The following SGCZ variants were observed in gnomAD, a reference collection of about 807,000 sequenced individuals.
SGCZ encodes the protein zeta-sarcoglycan.
SGCZ carries 40 observed loss-of-function variants against 41.3 expected under a neutral mutation model. The ratio of observed to expected loss-of-function variants is 0.97; its 90% CI spans 0.75 to 1.26. The LOEUF is 1.26. Ranked by LOEUF, SGCZ falls within the 50% of genes most tolerant of loss-of-function variation. SGCZ has a pLI of 0.00. For missense variants in SGCZ, 552 were observed against 369.8 expected, an observed-to-expected ratio of 1.49 and a Z score of -4.04; for synonymous variants, 206 against 137.5, an observed-to-expected ratio of 1.50 and a Z score of -3.49.
At chr8:15,110,067 AT>A (rs1250507333) in intron 1 of SGCZ, among the ~76,000 whole-genome samples, 2 of 152,202 alleles carry the variant, frequency 1.3e-5, no homozygotes, top group Non-Finnish European at 2.9e-5. Flanking sequence ...ACATTTTATC[AT>A]TTTTAAAAAT....
chr8:14,127,885 C>T lies in SGCZ; in HGVS notation c.548-19650G>A, dbSNP rs144270345. The stretch of plus-strand genomic sequence containing the variant: ...TCACCCAGGTATTAAGCCCAGTACC[C>T]GATAATTATCTTTTCTGCTCTGCTC... On this transcript the variant is annotated intron_variant, in intron 5 of 7. Transcript: ENST00000382080. Among the ~76,000 whole-genome samples the T allele has an allele frequency of 6.0e-3, 913 of 152,182 alleles. 8 individuals carry two copies. Among genetic ancestry groups the T allele is most frequent in the African/African-American group, 0.019 (798 of 41,506 alleles).
intron 3 of SGCZ, among the ~76,000 whole-genome samples, chr8:14,298,519 G>A (rs139986875): frequency 0.018 from 2,731 of 151,902 alleles, 34 homozygotes; most frequent in Non-Finnish European, 0.026. Flanking sequence ...GTATGCCAAA[G>A]TCAATTGTAT....
rs573639733 is a variant in SGCZ, at chr8:15,017,371, GC to G, written c.39+220213del. Among the ~76,000 whole-genome samples the G allele has an allele frequency of 3.3e-5, 5 of 152,262 alleles. No individual in the cohort carries two copies. In the South Asian group the frequency reaches 1.0e-3, roughly 32 times the overall value. ...CCATTCACTGCACACGTACAGTGAG[GC>G]CTGATCCACAGTGGACCTTGGTTGA... On this transcript the variant is annotated intron_variant, in intron 1 of 7. Transcript: ENST00000382080.
intron 4 of SGCZ, among the ~76,000 whole-genome samples, chr8:14,227,925 T>C (rs1196886330): frequency 2.6e-5 from 4 of 151,940 alleles, no homozygotes; most frequent in South Asian, 2.1e-4. Flanking sequence ...TAAGTAATGG[T>C]TTCCCCCTAG....
chr8:14,307,949 G>T (rs1801399343), intron 3 of SGCZ, among the ~76,000 whole-genome samples: 2 of 152,204 alleles, frequency 1.3e-5, no homozygotes, highest in South Asian at 2.1e-4. Flanking sequence ...AGTTTTGTGT[G>T]TACCTTTTAG....
chr8:14,451,625 A>G (rs1236742915), intron 2 of SGCZ, among the ~76,000 whole-genome samples: 2 of 152,216 alleles, frequency 1.3e-5, no homozygotes, highest in Admixed American at 6.5e-5. Context: ...AATATACGAC[A>G]AACTCTTAAA....
chr8:14,918,946 G>A (rs186070123), intron 1 of SGCZ, among the ~76,000 whole-genome samples: 306 of 152,292 alleles, frequency 2.0e-3, no homozygotes, highest in Middle Eastern at 3.4e-3. Context: ...TAACAGCATA[G>A]ACCCTGAAGG....
chr8:14,199,014 A>G (rs557508345), intron 4 of SGCZ, among the ~76,000 whole-genome samples: 2 of 152,200 alleles, frequency 1.3e-5, no homozygotes, highest in African/African-American at 2.4e-5. Flanking sequence ...GTGTGTTTGA[A>G]CAATATCAAA....
intron 1 of SGCZ, among the ~76,000 whole-genome samples, chr8:14,635,657 C>T (rs940391056): frequency 2.0e-5 from 3 of 151,506 alleles, no homozygotes; most frequent in Non-Finnish European, 2.9e-5. Context: ...GTTTGTCCAA[C>T]ATATTCATAC....
At chr8:14,160,871 C>G (rs948712069) in intron 5 of SGCZ, among the ~76,000 whole-genome samples, 2 of 152,158 alleles carry the variant, frequency 1.3e-5, no homozygotes, top group Non-Finnish European at 2.9e-5. Context: ...ACAGACACAT[C>G]CCTTGTCTAA....
chr8:14,736,303 A>G (rs1162883318), intron 1 of SGCZ, among the ~76,000 whole-genome samples: 2 of 152,104 alleles, frequency 1.3e-5, no homozygotes, highest in Non-Finnish European at 2.9e-5. Context: ...CAATTAAGCA[A>G]CATAAATTCC....
intron 1 of SGCZ, among the ~76,000 whole-genome samples, chr8:15,062,940 G>C (rs551151772): frequency 2.8e-4 from 42 of 152,126 alleles, no homozygotes; most frequent in African/African-American, 1.0e-3. Context: ...GTACTGCCTA[G>C]TAGGAGTTCT....
At chr8:14,391,938 AG>A (rs1204876627) in intron 2 of SGCZ, among the ~76,000 whole-genome samples, 1 of 152,018 alleles carries the variant, frequency 6.6e-6, no homozygotes, top group African/African-American at 2.4e-5. Flanking sequence ...CACTATTGCA[AG>A]GACAGTACAA....
At chr8:15,031,664 G>A (rs1803667374) in intron 1 of SGCZ, among the ~76,000 whole-genome samples, 2 of 152,126 alleles carry the variant, frequency 1.3e-5, no homozygotes, top group South Asian at 4.1e-4. Context: ...CTTGCCAGCT[G>A]TACAACAGAG....
intron 1 of SGCZ, among the ~76,000 whole-genome samples, chr8:14,674,851 T>C (rs141521244): frequency 4.0e-5 from 6 of 150,800 alleles, no homozygotes; most frequent in African/African-American, 1.5e-4. Context: ...ATGAATAAAA[T>C]CTCGTTGAGG....
At chr8:14,681,607 A>G (rs956489854) in intron 1 of SGCZ, among the ~76,000 whole-genome samples, 4 of 152,240 alleles carry the variant, frequency 2.6e-5, no homozygotes, top group African/African-American at 9.6e-5. Flanking sequence ...TCATTCATAT[A>G]TGTAACAAAG....
At chr8:14,446,080 G>C (rs1585524732) in intron 2 of SGCZ, among the ~76,000 whole-genome samples, 1 of 152,152 alleles carries the variant, frequency 6.6e-6, no homozygotes, top group African/African-American at 2.4e-5. Flanking sequence ...TCCTGAATCA[G>C]TTGTGCCATT....
chr8:14,157,365 AGTGTGTGTGTGT>A (rs1276673001), intron 5 of SGCZ, among the ~76,000 whole-genome samples: 1 of 89,418 alleles, frequency 1.1e-5, no homozygotes, highest in Non-Finnish European at 2.5e-5. Flanking sequence ...TGTGTGTGTG[AGTGTGTGTGTGT>A]GTGTGTGTGT....
chr8:14,592,375 T>C (rs2410197), intron 1 of SGCZ, among the ~76,000 whole-genome samples: 33,875 of 152,034 alleles, frequency 0.22, 4,361 homozygotes, highest in Non-Finnish European at 0.3. Context: ...TGTCATATAG[T>C]CCAATGTATT....
Sources: gnomAD v4.1 joint callset for allele counts (sites outside exome capture counted in the v4.1 genomes callset) on GRCh38, gnomAD v4.1.1 for gene constraint, MANE v1.5 for transcripts, NCBI Gene and HGNC (gene_info 2026-07-23, HGNC 2026-07-21) for gene names.